Variants in ERBB4 observed in about 807,000 individuals in gnomAD.
ERBB4 encodes erb-b2 receptor tyrosine kinase 4.
A neutral mutation model predicts 158.0 loss-of-function variants in ERBB4; 42 were observed. That is an observed-to-expected ratio of 0.27 (90% CI 0.21 to 0.34). The LOEUF (loss-of-function observed/expected upper bound fraction) is 0.34, where lower values mean the gene tolerates loss of function less well. ERBB4 is among the 10% of genes least tolerant of loss of function. The pLI, the probability that ERBB4 is intolerant of heterozygous loss-of-function variation, is 1.00. For synonymous variants in ERBB4, 583 were observed against 558.7 expected (o/e 1.04, Z -0.61); for missense variants, 1,333 against 1,624.1 (o/e 0.82, Z 3.08).
chr2:211,822,738 T>C (rs1559548763), intron 3 of ERBB4, among the ~76,000 whole-genome samples: 1 of 152,028 alleles, frequency 6.6e-6, no homozygotes, highest in Non-Finnish European at 1.5e-5. Flanking sequence ...TATTATATAA[T>C]GATGCATCAA....
intron 3 of ERBB4, among the ~76,000 whole-genome samples, chr2:211,816,367 C>T (rs960056681): frequency 1.3e-5 from 2 of 151,062 alleles, no homozygotes; most frequent in Admixed American, 6.6e-5. Context: ...ATGATGAAAC[C>T]CCGTCTCTAC....
intron 3 of ERBB4, among the ~76,000 whole-genome samples, chr2:211,935,162 A>G (rs1248743228): frequency 2.0e-5 from 3 of 152,138 alleles, no homozygotes; most frequent in African/African-American, 7.2e-5. Flanking sequence ...ATATTACTTA[A>G]TATTTTTAAG....
At chr2:212,110,172 G>T (rs570827548) in intron 2 of ERBB4, among the ~76,000 whole-genome samples, 1 of 152,166 alleles carries the variant, frequency 6.6e-6, no homozygotes, top group Non-Finnish European at 1.5e-5. Context: ...AGTCAAAGGT[G>T]TATAGGTGAA....
intron 1 of ERBB4, among the ~76,000 whole-genome samples, chr2:212,457,528 T>C (rs1688358037): frequency 6.6e-6 from 1 of 152,096 alleles, no homozygotes; most frequent in Non-Finnish European, 1.5e-5. Context: ...AATTGCTTTC[T>C]TGCTGATTGT....
intron 2 of ERBB4, among the ~76,000 whole-genome samples, chr2:212,055,091 C>T (rs555320784): frequency 6.6e-6 from 1 of 152,136 alleles, no homozygotes; most frequent in Non-Finnish European, 1.5e-5. Flanking sequence ...AAAATCGGGT[C>T]ACTCCCACCC....
At chr2:211,863,667 CACATCTGA>C (rs1343864945) in intron 3 of ERBB4, among the ~76,000 whole-genome samples, 3 of 152,140 alleles carry the variant, frequency 2.0e-5, no homozygotes, top group Non-Finnish European at 2.9e-5. Flanking sequence ...AAACTCCAGA[CACATCTGA>C]ACATCTGAAG....
At chr2:211,797,704 T>C (rs1460693849) in intron 3 of ERBB4, among the ~76,000 whole-genome samples, 3 of 151,812 alleles carry the variant, frequency 2.0e-5, no homozygotes, top group African/African-American at 7.2e-5. Context: ...ATTTTAAAAA[T>C]AACACATAAA....
intron 3 of ERBB4, among the ~76,000 whole-genome samples, chr2:211,807,374 A>G (rs2076643434): frequency 1.3e-5 from 2 of 152,064 alleles, no homozygotes; most frequent in South Asian, 4.1e-4. Context: ...GTTCCCACCT[A>G]TGATTGAGAA....
At chr2:212,399,585 T>TATATATATATATATATA (rs1560214662) in intron 1 of ERBB4, among the ~76,000 whole-genome samples, 4 of 121,646 alleles carry the variant, frequency 3.3e-5, no homozygotes, top group South Asian at 2.5e-4. Flanking sequence ...TATATATATA[T>TATATATATATATATATA]TGGGCGTGGT....
chr2:212,189,709 T>C (rs1234020305), intron 1 of ERBB4, among the ~76,000 whole-genome samples: 4 of 152,350 alleles, frequency 2.6e-5, no homozygotes, highest in East Asian at 1.9e-4. Flanking sequence ...AATAAAATGG[T>C]TTATTCTCTT....
intron 2 of ERBB4, among the ~76,000 whole-genome samples, chr2:211,964,293 A>T (rs575972481): frequency 8.5e-5 from 13 of 152,274 alleles, no homozygotes; most frequent in African/African-American, 3.1e-4. Flanking sequence ...ACATCATCAC[A>T]GCACTGGTAT....
At chr2:211,711,004 G>A (rs1056789965) in intron 9 of ERBB4, among the ~76,000 whole-genome samples, 1 of 150,406 alleles carries the variant, frequency 6.6e-6, no homozygotes, top group African/African-American at 2.5e-5. Flanking sequence ...CAATGACCAA[G>A]TCTATACATT....
In ERBB4 at chr2:211,383,672, C is replaced by T. The variant is rs2125308311; in HGVS notation, c.3870G>A (p.Leu1290=). The T allele has an allele frequency of 6.2e-7, 1 of 1,613,988 alleles. No homozygotes were observed. Among genetic ancestry groups the T allele is most frequent in the Non-Finnish European group, 8.5e-7 (1 of 1,179,996 alleles). The change falls in exon 28 of 28, where the codon CTG becomes CTA. Residue 1290 remains leucine (L), a synonymous_variant. Coordinates refer to ENST00000342788, the MANE Select transcript of ERBB4 (RefSeq NM_005235.3). ...ENPEYLSEFS[L]KPGTVLPPPP... is the part of the protein sequence containing the mutation. Reference sequence around the variant, plus strand: ...GAGGCGGCAGCACAGTGCCTGGCTTCAGGGAGAACTCAGAGAGGTATTCAG... The same window carrying T: ...GAGGCGGCAGCACAGTGCCTGGCTTTAGGGAGAACTCAGAGAGGTATTCAG...
chr2:211,830,495 CTTTAA>C (rs1051591054), intron 3 of ERBB4, among the ~76,000 whole-genome samples: 3 of 152,048 alleles, frequency 2.0e-5, no homozygotes, highest in African/African-American at 4.8e-5. Context: ...AATTATTAGC[CTTTAA>C]TTTGTTTATT....
intron 20 of ERBB4, among the ~76,000 whole-genome samples, chr2:211,510,831 G>C (rs1233025338): frequency 6.6e-6 from 1 of 151,890 alleles, no homozygotes; most frequent in Non-Finnish European, 1.5e-5. Context: ...CTCTTTGAAA[G>C]AATATGACAA....
intron 20 of ERBB4, among the ~76,000 whole-genome samples, chr2:211,522,628 C>T (rs1303746359): frequency 6.6e-6 from 1 of 152,074 alleles, no homozygotes; most frequent in Admixed American, 6.5e-5. Context: ...AACAACTTTG[C>T]TAGCTAGAGA....
chr2:212,077,689 GTTAAATTCCTTAAGTTAATTAT>G (rs2078313635), intron 2 of ERBB4, among the ~76,000 whole-genome samples: 1 of 151,964 alleles, frequency 6.6e-6, no homozygotes, highest in Admixed American at 6.6e-5. Flanking sequence ...AGAAGCTGGT[GTTAAATTCCTTAAGTTAATTAT>G]ATACTTTGTG....
At chr2:212,343,903 T>C (rs1042490782) in intron 1 of ERBB4, among the ~76,000 whole-genome samples, 1 of 152,172 alleles carries the variant, frequency 6.6e-6, no homozygotes, top group Non-Finnish European at 1.5e-5. Context: ...TAGGAACTCA[T>C]TTCTTACAAT....
At chr2:212,192,008 ATATATGT>A (rs1285856618) in intron 1 of ERBB4, among the ~76,000 whole-genome samples, 1 of 65,950 alleles carries the variant, frequency 1.5e-5, no homozygotes. Context: ...GTTATATATA[ATATATGT>A]TATATGTTAT....
Sources: allele counts gnomAD v4.1 joint callset (sites outside exome capture counted in the v4.1 genomes callset), GRCh38; gene constraint gnomAD v4.1.1; transcripts MANE v1.5; gene names NCBI Gene and HGNC (gene_info 2026-07-23, HGNC 2026-07-21).